The following RBBP4 variants were observed in gnomAD, a reference collection of about 807,000 sequenced individuals.
RBBP4 encodes RB binding protein 4, chromatin remodeling factor.
RBBP4 carries 3 observed loss-of-function variants against 57.2 expected under a neutral mutation model. The observed-to-expected ratio is 0.05, with a 90% confidence interval of 0.02 to 0.14. RBBP4 has a LOEUF of 0.14. RBBP4 is among the 10% of genes least tolerant of loss of function. RBBP4 has a pLI of 1.00. For missense variants in RBBP4, 107 were observed against 520.6 expected (o/e 0.21, Z 7.73); for synonymous variants, 151 against 171.5 (o/e 0.88, Z 0.93).
chr1:32,651,468 C>G, intron 1 of RBBP4, 146 bp downstream of exon 1: 3 of 1,365,890 alleles, frequency 2.2e-6, no homozygotes, highest in Non-Finnish European at 2.8e-6. Flanking sequence ...CCCCGCGGGG[C>G]GTGCTAACGG....
Position 32,685,763 on chromosome 1 carries a change from C to G in RBBP4, c.*6058C>G, listed in dbSNP as rs1223484096. The G allele has an allele frequency of 6.6e-6, 1 of 152,204 alleles. No individual in the cohort carries two copies. The highest frequency in any genetic ancestry group is 1.5e-5 in the Non-Finnish European group (1 of 68,046). The allele number at this position is 152,204 out of a possible 1,614,324, so 9.4% of individuals were successfully genotyped here. ...GTACAAAAGTACATGCTTGGAAAAG[C>G]AGTCTGCACCACCAGTGATAAGCTG... On this transcript the variant is annotated 3_prime_UTR_variant, in exon 12 of 12. Coordinates refer to ENST00000373493, the MANE Select transcript of RBBP4 (RefSeq NM_005610.3).
chr1:32,684,449 C>A lies in RBBP4; in HGVS notation c.*4744C>A. 1 of 1,604,088 alleles carries A rather than the reference C, an allele frequency of 6.2e-7. No individual in the cohort carries two copies. Among genetic ancestry groups the A allele is most frequent in the South Asian group, 1.1e-5 (1 of 90,354 alleles). On this transcript the variant is annotated 3_prime_UTR_variant, in exon 12 of 12. Coordinates refer to ENST00000373493, the MANE Select transcript of RBBP4 (RefSeq NM_005610.3). ...TAAAAACTCACATTGTCCACTCTTACTTATAAAACACTTTTTTGTTCATTG... is the reference window on the plus strand; with the variant it reads ...TAAAAACTCACATTGTCCACTCTTAATTATAAAACACTTTTTTGTTCATTG...
chr1:32,672,229 A>G (rs1290883173), intron 8 of RBBP4, among the ~76,000 whole-genome samples: 1 of 151,974 alleles, frequency 6.6e-6, no homozygotes, highest in African/African-American at 2.4e-5. Context: ...ACCTCATGTG[A>G]TCCACCCGCC....
At chr1:32,659,683 G>T (rs925209316) in intron 3 of RBBP4, among the ~76,000 whole-genome samples, 5 of 152,180 alleles carry the variant, frequency 3.3e-5, no homozygotes, top group Admixed American at 6.5e-5. Context: ...CAAATATGTT[G>T]AGTAATTTTG....
intron 3 of RBBP4, chr1:32,662,206 GTTTTATTT>G (rs2148521462): frequency 2.9e-6 from 1 of 347,774 alleles, no homozygotes; most frequent in Admixed American, 3.2e-5. Flanking sequence ...TTGGGGTTTT[GTTTTATTT>G]TTTTAACAAA....
intron 3 of RBBP4, among the ~76,000 whole-genome samples, chr1:32,661,301 C>CTTT (rs370489912): frequency 0.046 from 6,008 of 132,038 alleles, 395 homozygotes; most frequent in Middle Eastern, 0.05. Context: ...ATTTTTAGTT[C>CTTT]CTTTTTTTTT....
chr1:32,660,173 C>T (rs1013259263), intron 3 of RBBP4, among the ~76,000 whole-genome samples: 1 of 152,110 alleles, frequency 6.6e-6, no homozygotes, highest in African/African-American at 2.4e-5. Context: ...GTAAATTATA[C>T]CTTCTCCACC....
chr1:32,680,664 A>G lies in RBBP4; in HGVS notation c.*959A>G. The G allele has an allele frequency of 1.1e-6, 1 of 952,072 alleles. No homozygotes were observed. Among genetic ancestry groups the G allele is most frequent in the South Asian group, 1.6e-5 (1 of 63,884 alleles). The allele number at this position is 952,072 out of a possible 1,614,324, so 59.0% of individuals were successfully genotyped here. On this transcript the variant is annotated 3_prime_UTR_variant, in exon 12 of 12. Transcript: ENST00000373493. The stretch of plus-strand genomic sequence containing the variant: ...TGCTTTTCTACATAACCCCATGCTG[A>G]TGGGTTTTATTTAGTATAAAACATC...
At chr1:32,655,369 C>G (rs1648092251) in intron 2 of RBBP4, among the ~76,000 whole-genome samples, 1 of 151,038 alleles carries the variant, frequency 6.6e-6, no homozygotes, top group Non-Finnish European at 1.5e-5. Flanking sequence ...GGTGTTTACC[C>G]AGATCCGTTT....
intron 1 of RBBP4, 59 bp from the exon 2 acceptor site, chr1:32,651,855 C>T: frequency 6.4e-7 from 1 of 1,558,488 alleles, no homozygotes; most frequent in Middle Eastern, 2.3e-4. Context: ...GGTGGCTTTG[C>T]AGAGGATTAC....
intron 8 of RBBP4, among the ~76,000 whole-genome samples, chr1:32,671,480 G>A (rs1648872470): frequency 6.6e-6 from 1 of 152,106 alleles, no homozygotes; most frequent in South Asian, 2.1e-4. Flanking sequence ...CTACTTAAGA[G>A]GCTGAGGCAG....
At chr1:32,659,575 C>T (rs74900747) in intron 3 of RBBP4, among the ~76,000 whole-genome samples, 1 of 110,124 alleles carries the variant, frequency 9.1e-6, no homozygotes, top group Non-Finnish European at 2.1e-5. Context: ...AAAAACAAAA[C>T]AAAAGAAAAA....
At chr1:32,651,640 C>G (rs1213266154) in intron 1 of RBBP4, 2 of 759,678 alleles carry the variant, frequency 2.6e-6, no homozygotes, top group East Asian at 2.9e-5. Flanking sequence ...GAGCTCGGGC[C>G]TCCTCGTCGG....
chr1:32,681,887 A>T lies in RBBP4; in HGVS notation c.*2182A>T. 6.2e-7 allele frequency: 1 copy of T among 1,600,936 alleles called. No individual in the cohort carries two copies. The highest frequency in any genetic ancestry group is 8.6e-7 in the Non-Finnish European group (1 of 1,168,014). ...TGTAAAGTTGAAAGAAAAAGTTTATAACAGTGAACTTCTGAGGTTTAGTTA... is the reference window on the plus strand; with the variant it reads ...TGTAAAGTTGAAAGAAAAAGTTTATTACAGTGAACTTCTGAGGTTTAGTTA... On this transcript the variant is annotated 3_prime_UTR_variant, in exon 12 of 12. Coordinates refer to ENST00000373493, the MANE Select transcript of RBBP4 (RefSeq NM_005610.3).
rs1649304899 is a variant in RBBP4, at chr1:32,679,883, T to G, written c.*178T>G. The G allele has an allele frequency of 6.2e-6, 8 of 1,299,508 alleles. No homozygotes were observed. The South Asian group carries it at 2.0e-4, about 32-fold the overall frequency. 80.5% of individuals were successfully genotyped at this position (1,299,508 alleles called of 1,614,324 possible). A position where few individuals can be genotyped will look rare whatever the true frequency, so the allele number is the denominator to read the frequency against. Reference sequence around the variant, plus strand: ...TCTAAATATTAATAGGGGGGCTTGATTCAACAAAGCCACAGACTTAACGTT... The same window carrying G: ...TCTAAATATTAATAGGGGGGCTTGAGTCAACAAAGCCACAGACTTAACGTT... On this transcript the variant is annotated 3_prime_UTR_variant, in exon 12 of 12. Transcript: ENST00000373493.
Position 32,684,677 on chromosome 1 carries a change from T to C in RBBP4, c.*4972T>C. The C allele has an allele frequency of 3.3e-6, 1 of 307,330 alleles. No homozygotes were observed. Among genetic ancestry groups the C allele is most frequent in the East Asian group, 7.0e-5 (1 of 14,342 alleles). The allele number at this position is 307,330 out of a possible 1,614,324, so 19.0% of individuals were successfully genotyped here. The stretch of plus-strand genomic sequence containing the variant: ...TTTAGTATTACAACCTTAGTGTCAT[T>C]GAGGAGGATTTTGGTCTAGTTAGTG... On this transcript the variant is annotated 3_prime_UTR_variant, in exon 12 of 12. Coordinates refer to ENST00000373493, the MANE Select transcript of RBBP4 (RefSeq NM_005610.3).
At chr1:32,651,889 T>C (rs1647742029) in intron 1 of RBBP4, 25 bp from the exon 2 acceptor site, 2 of 1,611,604 alleles carry the variant, frequency 1.2e-6, no homozygotes, top group Non-Finnish European at 1.7e-6. Context: ...GTTTGCTAAC[T>C]TAAATTTGTT....
chr1:32,677,237 G>A (rs1379979438), intron 11 of RBBP4, among the ~76,000 whole-genome samples: 1 of 152,040 alleles, frequency 6.6e-6, no homozygotes, highest in African/African-American at 2.4e-5. Flanking sequence ...AGTCAGAAAG[G>A]CCAATCACTT....
In RBBP4 at chr1:32,657,547, G is replaced by T; in HGVS notation, c.285G>T (p.Ala95=). The change falls in exon 3 of 12, where the codon GCG becomes GCT. Residue 95 remains alanine, a synonymous_variant. Transcript: ENST00000373493. The part of the protein sequence containing the change: ...QLPNDDAQFD[A]SHYDSEKGEF... ...CTAATGATGATGCTCAGTTTGATGCGTCACACTACGACAGTGAGAAAGGAG... is the reference window on the plus strand; with the variant it reads ...CTAATGATGATGCTCAGTTTGATGCTTCACACTACGACAGTGAGAAAGGAG... 1 of 1,613,948 alleles carries T rather than the reference G, an allele frequency of 6.2e-7. No homozygotes were observed. The highest frequency in any genetic ancestry group is 8.5e-7 in the Non-Finnish European group (1 of 1,179,960).
Sources: gnomAD v4.1 joint callset for allele counts (sites outside exome capture counted in the v4.1 genomes callset) on GRCh38, gnomAD v4.1.1 for gene constraint, MANE v1.5 for transcripts, NCBI Gene and HGNC (gene_info 2026-07-23, HGNC 2026-07-21) for gene names.